The following NOS2 variants were observed in gnomAD, a reference collection of about 807,000 sequenced individuals.
NOS2 encodes nitric oxide synthase 2.
NOS2 carries 96 observed loss-of-function variants against 136.0 expected under a neutral mutation model. That is an observed-to-expected ratio of 0.71 (90% CI 0.60 to 0.84). The LOEUF (loss-of-function observed/expected upper bound fraction) is 0.84. NOS2 is among the 40% of genes least tolerant of loss of function. The probability of loss-of-function intolerance (pLI) is 0.00; values close to 1 mark genes in which losing one functional copy is unlikely to be tolerated. For missense variants in NOS2, 1,237 were observed against 1,496.9 expected, an observed-to-expected ratio of 0.83 and a Z score of 2.87; for synonymous variants, 539 against 587.5, an observed-to-expected ratio of 0.92 and a Z score of 1.20.
chr17:27,757,722 G>A (rs1907973673), intron 26 of NOS2, among the ~76,000 whole-genome samples: 1 of 152,192 alleles, frequency 6.6e-6, no homozygotes, highest in Non-Finnish European at 1.5e-5. Flanking sequence ...CAGAAGTCTT[G>A]TAGTAAAGCA....
chr17:27,780,229 T>C (rs28999375), intron 9 of NOS2, among the ~76,000 whole-genome samples: 10,898 of 152,270 alleles, frequency 0.072, 527 homozygotes, highest in Middle Eastern at 0.27. Flanking sequence ...GTACAAAGGC[T>C]GTGAGTCAGG....
chr17:27,757,836 C>G, intron 26 of NOS2, among the ~76,000 whole-genome samples: 1 of 152,146 alleles, frequency 6.6e-6, no homozygotes, highest in African/African-American at 2.4e-5. Flanking sequence ...TGGGGAAATG[C>G]CTGTTATCTC....
chr17:27,758,392 C>T (rs551096761), intron 26 of NOS2, among the ~76,000 whole-genome samples: 82 of 152,256 alleles, frequency 5.4e-4, no homozygotes, highest in Non-Finnish European at 9.8e-4. Flanking sequence ...CCTTGGCAAG[C>T]AGTATGCCCA....
chr17:27,769,428 T>C lies in NOS2; in HGVS notation c.1859+107A>G, dbSNP rs980546423. ...GACCTTAGACCCAGGTCTCTGTGCC[T>C]GCACGGTTCTGAGAAGACCCCCTGT... On this transcript the variant is annotated intron_variant, in intron 16 of 26. Coordinates refer to ENST00000313735, the MANE Select transcript of NOS2 (RefSeq NM_000625.4). 19 of 973,204 alleles carry C rather than the reference T, an allele frequency of 2.0e-5. No homozygotes were observed. In the African/African-American group the frequency reaches 2.7e-4, roughly 14 times the overall value. The allele number at this position is 973,204 out of a possible 1,614,324, so 60.3% of individuals were successfully genotyped here. A position where few individuals can be genotyped will look rare whatever the true frequency, so the allele number is the denominator to read the frequency against.
chr17:27,782,855 T>G lies in NOS2; in HGVS notation c.630+89A>C. The G allele has an allele frequency of 2.2e-6, 3 of 1,355,074 alleles. No homozygotes were observed. In the South Asian group the frequency reaches 3.9e-5, roughly 18 times the overall value. 83.9% of individuals were successfully genotyped at this position (1,355,074 alleles called of 1,614,324 possible). A position where few individuals can be genotyped will look rare whatever the true frequency, so the allele number is the denominator to read the frequency against. ...GCCATGGCTTCAGTCCCAGGAGGCC[T>G]GGGCACAGCTCTGTGTGGCTGTTCC... On this transcript the variant is annotated intron_variant, in intron 6 of 26. Coordinates refer to ENST00000313735, the MANE Select transcript of NOS2 (RefSeq NM_000625.4).
At chr17:27,792,990 G>T (rs1433592252) in intron 2 of NOS2, among the ~76,000 whole-genome samples, 1 of 151,886 alleles carries the variant, frequency 6.6e-6, no homozygotes, top group Non-Finnish European at 1.5e-5. Flanking sequence ...ATCAAAAAAA[G>T]GGGTCGGGGG....
intron 5 of NOS2, among the ~76,000 whole-genome samples, chr17:27,785,865 G>A (rs1223060206): frequency 1.3e-5 from 2 of 151,364 alleles, no homozygotes; most frequent in African/African-American, 4.9e-5. Context: ...AAGCTGTGGT[G>A]GGAGGATTAC....
intron 12 of NOS2, 64 bp downstream of exon 12, chr17:27,774,193 C>T: frequency 8.0e-7 from 1 of 1,249,818 alleles, no homozygotes; most frequent in South Asian, 2.1e-5. Flanking sequence ...GAGGTGCACA[C>T]ACACACACAC....
intron 3 of NOS2, 61 bp from the exon 4 acceptor site, chr17:27,788,992 G>A: frequency 6.4e-7 from 1 of 1,574,288 alleles, no homozygotes; most frequent in South Asian, 1.2e-5. Flanking sequence ...GCCCTGCCTT[G>A]TCTTAGAGTG....
intron 5 of NOS2, among the ~76,000 whole-genome samples, chr17:27,783,678 G>T (rs186527042): frequency 2.3e-4 from 35 of 152,322 alleles, no homozygotes; most frequent in African/African-American, 8.2e-4. Flanking sequence ...TGGGAGGGAG[G>T]TATTTTTGCA....
Position 27,794,086 on chromosome 17 carries a change from C to G in NOS2, c.111-4398G>C, listed in dbSNP as rs557882439. On this transcript the variant is annotated intron_variant, in intron 2 of 26. Transcript: ENST00000313735. ...TTTCCTTTCTGTCATTTCGTCCAGTCTCGTTAAGCAGACAGCTCTACGTTG... is the reference window on the plus strand; with the variant it reads ...TTTCCTTTCTGTCATTTCGTCCAGTGTCGTTAAGCAGACAGCTCTACGTTG... Among the ~76,000 whole-genome samples, 69 of 152,334 alleles carry G rather than the reference C, an allele frequency of 4.5e-4. 1 individual carries two copies. The South Asian group carries it at 0.013, about 29-fold the overall frequency.
rs28730832 is a variant in NOS2 at position 27,788,830 on chromosome 17, T to A, written c.297A>T (p.Thr99=). 2,052 of 1,614,144 alleles carry A rather than the reference T, an allele frequency of 1.3e-3. 43 individuals carry two copies. The East Asian group carries it at 0.04, about 31-fold the overall frequency. ...TTACCCCTTTGGCCTTATGGTGAAG[T>A]GTGTCTTGGAAAGTCATCCCGCTGC... ...NWGSGMTFQD[T]LHHKAKGILT... Residue 99 remains threonine (T), a synonymous_variant, in exon 4 of 27, where the codon ACA becomes ACT. Coordinates refer to ENST00000313735, the MANE Select transcript of NOS2 (RefSeq NM_000625.4).
intron 20 of NOS2, among the ~76,000 whole-genome samples, chr17:27,765,326 A>G (rs1334002047): frequency 4.6e-5 from 7 of 152,142 alleles, no homozygotes; most frequent in Non-Finnish European, 1.0e-4. Context: ...ATTGAGGGGG[A>G]TGTTATCATT....
At chr17:27,798,603 G>C (rs1361671210) in intron 2 of NOS2, 97 bp downstream of exon 2, 2 of 765,818 alleles carry the variant, frequency 2.6e-6, no homozygotes, top group African/African-American at 1.7e-5. Context: ...CCTCAGGTGA[G>C]AGAGGAGGAG....
intron 4 of NOS2, among the ~76,000 whole-genome samples, chr17:27,788,302 T>C (rs1909085864): frequency 6.6e-6 from 1 of 152,146 alleles, no homozygotes; most frequent in South Asian, 2.1e-4. Flanking sequence ...GTCCTGAAAT[T>C]GTCCATTCTT....
chr17:27,797,177 C>A (rs1405215366), intron 2 of NOS2, among the ~76,000 whole-genome samples: 1 of 152,208 alleles, frequency 6.6e-6, no homozygotes, highest in Non-Finnish European at 1.5e-5. Flanking sequence ...CTGCACCTGT[C>A]TACATTCTAC....
At chr17:27,782,143 T>C in intron 6 of NOS2, 37 bp from the exon 7 acceptor site, 1 of 1,589,730 alleles carries the variant, frequency 6.3e-7, no homozygotes, top group Non-Finnish European at 8.6e-7. Flanking sequence ...CATCAAAGAC[T>C]GGGTAGACAG....
chr17:27,793,567 G>A (rs1429450821), intron 2 of NOS2: 1 of 397,234 alleles, frequency 2.5e-6, no homozygotes, highest in Non-Finnish European at 4.4e-6. Context: ...CTCCCAGGGC[G>A]GACTTCGGCC....
intron 7 of NOS2, 76 bp downstream of exon 7, chr17:27,781,939 C>T: frequency 1.5e-6 from 2 of 1,293,696 alleles, no homozygotes; most frequent in South Asian, 1.2e-5. Context: ...CTCCCCTAGA[C>T]CCAAGTGCTG....
Sources: allele counts gnomAD v4.1 joint callset (sites outside exome capture counted in the v4.1 genomes callset), GRCh38; gene constraint gnomAD v4.1.1; transcripts MANE v1.5; gene names NCBI Gene and HGNC (gene_info 2026-07-23, HGNC 2026-07-21).